Variants in NPNT observed in about 807,000 individuals in gnomAD.
NPNT encodes the protein nephronectin.
A neutral mutation model predicts 68.6 loss-of-function variants in NPNT; 45 were observed. That is an observed-to-expected ratio of 0.66 (90% CI 0.52 to 0.84). NPNT has a LOEUF of 0.84. Ranked by LOEUF, NPNT falls within the 40% of genes least tolerant of loss-of-function variation. The pLI, the probability that NPNT is intolerant of heterozygous loss-of-function variation, is 0.00. For missense variants in NPNT, 672 were observed against 714.8 expected (o/e 0.94, Z 0.68); for synonymous variants, 233 against 253.3 (o/e 0.92, Z 0.76).
chr4:105,915,379 CG>C (rs978864811), intron 2 of NPNT, among the ~76,000 whole-genome samples: 2 of 151,730 alleles, frequency 1.3e-5, no homozygotes, highest in South Asian at 2.1e-4. Context: ...AGGGCAGTGG[CG>C]GGGGGGCACA....
At chr4:105,925,918 A>G (rs1259745374) in intron 2 of NPNT, among the ~76,000 whole-genome samples, 2 of 152,122 alleles carry the variant, frequency 1.3e-5, no homozygotes, top group East Asian at 1.9e-4. Context: ...GAAACTTCCC[A>G]TTTCCTAGAG....
At chr4:105,911,349 A>G (rs548629138) in intron 2 of NPNT, among the ~76,000 whole-genome samples, 1 of 152,264 alleles carries the variant, frequency 6.6e-6, no homozygotes, top group East Asian at 1.9e-4. Flanking sequence ...TATTACCCAA[A>G]GGAAGGCCCC....
rs2149368248 is a variant in NPNT at position 105,937,052 on chromosome 4, G to A, written c.309G>A (p.Arg103=). Residue 103 remains arginine (R), a synonymous_variant, in exon 4 of 12, where the codon AGG becomes AGA. Coordinates refer to ENST00000379987, the MANE Select transcript of NPNT (RefSeq NM_001033047.3). ...CGLKPRPCKH[R]CMNTYGSYKC... ...TGAAGCCCCGGCCCTGTAAGCACAG[G>A]TGCATGAACACTTACGGCAGCTACA... is the stretch of plus-strand genomic sequence containing the variant. 1 of 1,613,620 alleles carries A rather than the reference G, an allele frequency of 6.2e-7. No individual in the cohort carries two copies. Among genetic ancestry groups the A allele is most frequent in the Non-Finnish European group, 8.5e-7 (1 of 1,179,696 alleles).
At chr4:105,899,264 T>C (rs991478900) in intron 2 of NPNT, among the ~76,000 whole-genome samples, 6 of 152,152 alleles carry the variant, frequency 3.9e-5, no homozygotes, top group African/African-American at 1.4e-4. Flanking sequence ...GGTATGGAAT[T>C]TGAGAACCAA....
chr4:105,922,543 C>T (rs911417536), intron 2 of NPNT, among the ~76,000 whole-genome samples: 14 of 151,806 alleles, frequency 9.2e-5, no homozygotes, highest in African/African-American at 3.4e-4. Context: ...CACCACCACA[C>T]CTGGCTAGTT....
chr4:105,898,407 G>C (rs1726132629), intron 2 of NPNT, among the ~76,000 whole-genome samples: 1 of 144,910 alleles, frequency 6.9e-6, no homozygotes, highest in East Asian at 2.1e-4. Flanking sequence ...CAGGCTGGGA[G>C]ATGGGGATAA....
At chr4:105,903,033 G>T (rs574809764) in intron 2 of NPNT, among the ~76,000 whole-genome samples, 30 of 152,236 alleles carry the variant, frequency 2.0e-4, no homozygotes, top group Non-Finnish European at 3.4e-4. Context: ...CTCTCTGCCA[G>T]TTCAGCAACT....
At chr4:105,946,879 A>C (rs1284847155) in intron 8 of NPNT, among the ~76,000 whole-genome samples, 1 of 152,156 alleles carries the variant, frequency 6.6e-6, no homozygotes, top group Admixed American at 6.5e-5. Context: ...AACAGGTTCG[A>C]GAGCAGAGAA....
At position 105,942,490 on chromosome 4, in the gene NPNT, C is replaced by T; in HGVS notation, c.947C>T (p.Thr316Ile). ...ITNRPTSKPTTRPTPKPTPIP... is the reference protein window; with the variant it reads ...ITNRPTSKPTIRPTPKPTPIP... Reference sequence around the variant, plus strand: ...AACAGGCCTACTTCTAAGCCAACAACAAGACCTACACCAAAGCCAACACCA... The same window carrying T: ...AACAGGCCTACTTCTAAGCCAACAATAAGACCTACACCAAAGCCAACACCA... The change falls in exon 8 of 12, where the codon ACA (threonine) becomes ATA (isoleucine). Residue 316 changes from threonine (T) to isoleucine (I), a missense_variant. Transcript: ENST00000379987. The T allele has an allele frequency of 6.2e-7, 1 of 1,613,910 alleles. No homozygotes were observed. Among genetic ancestry groups the T allele is most frequent in the South Asian group, 1.1e-5 (1 of 91,068 alleles).
chr4:105,947,973 T>C (rs1730519600), intron 8 of NPNT, among the ~76,000 whole-genome samples: 1 of 152,176 alleles, frequency 6.6e-6, no homozygotes, highest in Non-Finnish European at 1.5e-5. Flanking sequence ...GTCAAAAATA[T>C]TTGTTGAATG....
At chr4:105,947,454 A>C (rs1730474724) in intron 8 of NPNT, among the ~76,000 whole-genome samples, 1 of 152,208 alleles carries the variant, frequency 6.6e-6, no homozygotes, top group Non-Finnish European at 1.5e-5. Flanking sequence ...CCTCTGCTGC[A>C]GCTCCAGCTG....
intron 8 of NPNT, among the ~76,000 whole-genome samples, chr4:105,952,800 A>G (rs1043422476): frequency 6.6e-6 from 1 of 152,178 alleles, no homozygotes. Flanking sequence ...GACGGTGTTC[A>G]TGCTGCACTC....
intron 9 of NPNT, 143 bp downstream of exon 9, chr4:105,958,700 A>G: frequency 1.9e-6 from 1 of 530,166 alleles, no homozygotes; most frequent in Non-Finnish European, 3.4e-6. Flanking sequence ...TTGTAGTTAA[A>G]TCAGTTGAGC....
At chr4:105,898,763 T>C (rs543172843) in intron 2 of NPNT, among the ~76,000 whole-genome samples, 99 of 152,344 alleles carry the variant, frequency 6.5e-4, no homozygotes, top group African/African-American at 2.3e-3. Flanking sequence ...CAAAAGAGTT[T>C]GAGAAATTTA....
chr4:105,896,431 C>G (rs1241186146), intron 1 of NPNT, among the ~76,000 whole-genome samples: 1 of 152,128 alleles, frequency 6.6e-6, no homozygotes, highest in Non-Finnish European at 1.5e-5. Flanking sequence ...GTCACTCAGC[C>G]GGTCCTCCCG....
chr4:105,916,063 A>G (rs767665791), intron 2 of NPNT, among the ~76,000 whole-genome samples: 2 of 152,128 alleles, frequency 1.3e-5, no homozygotes, highest in Non-Finnish European at 2.9e-5. Context: ...ATAATTCAAC[A>G]TTTGTTTATA....
chr4:105,924,038 CG>C (rs200218381), intron 2 of NPNT, among the ~76,000 whole-genome samples: 1 of 146,272 alleles, frequency 6.8e-6, no homozygotes, highest in African/African-American at 2.6e-5. Flanking sequence ...CCCTTTGCTG[CG>C]CCCCCCCCCC....
chr4:105,907,142 C>T (rs1726965088), intron 2 of NPNT, among the ~76,000 whole-genome samples: 1 of 152,158 alleles, frequency 6.6e-6, no homozygotes, highest in South Asian at 2.1e-4. Context: ...AGACTCAAAG[C>T]AGAGTCTGTA....
chr4:105,944,866 G>C (rs1049436654), intron 8 of NPNT, among the ~76,000 whole-genome samples: 1 of 152,202 alleles, frequency 6.6e-6, no homozygotes, highest in Non-Finnish European at 1.5e-5. Context: ...TAAGGCAAAG[G>C]CTCTAAGTTT....
Sources: allele counts gnomAD v4.1 joint callset (sites outside exome capture counted in the v4.1 genomes callset), GRCh38; gene constraint gnomAD v4.1.1; transcripts MANE v1.5; gene names NCBI Gene and HGNC (gene_info 2026-07-23, HGNC 2026-07-21).